The following ANO10 variants were observed in gnomAD, a reference collection of about 807,000 sequenced individuals.
ANO10 encodes the protein anoctamin-10.
In ANO10, 77 loss-of-function variants were observed where a neutral mutation model predicts 74.7. That is an observed-to-expected ratio of 1.03 (90% CI 0.86 to 1.25). ANO10 has a LOEUF of 1.25. Ranked by LOEUF, ANO10 falls within the 50% of genes most tolerant of loss-of-function variation. The pLI, the probability that ANO10 is intolerant of heterozygous loss-of-function variation, is 0.00. For missense variants in ANO10, 721 were observed against 778.1 expected, an observed-to-expected ratio of 0.93 and a Z score of 0.87; for synonymous variants, 279 against 284.9, an observed-to-expected ratio of 0.98 and a Z score of 0.21.
chr3:43,399,761 A>G (rs888876426), intron 12 of ANO10, among the ~76,000 whole-genome samples: 2 of 152,176 alleles, frequency 1.3e-5, no homozygotes, highest in Non-Finnish European at 2.9e-5. Context: ...CCCACATCAG[A>G]AGAGCCCCCA....
At chr3:43,564,962 T>C (rs2080238633) in intron 8 of ANO10, among the ~76,000 whole-genome samples, 1 of 152,228 alleles carries the variant, frequency 6.6e-6, no homozygotes, top group African/African-American at 2.4e-5. Context: ...CACTGTTACA[T>C]GTACATCCAA....
chr3:43,411,445 T>C (rs908283850), intron 12 of ANO10, among the ~76,000 whole-genome samples: 9 of 152,196 alleles, frequency 5.9e-5, no homozygotes, highest in African/African-American at 1.4e-4. Context: ...GGGTACTCAA[T>C]AGAAGCAGAT....
At chr3:43,443,831 C>T (rs1000576203) in intron 11 of ANO10, among the ~76,000 whole-genome samples, 11 of 151,780 alleles carry the variant, frequency 7.2e-5, no homozygotes, top group African/African-American at 2.7e-4. Flanking sequence ...CAGGCATGCA[C>T]CACCACGCCT....
At chr3:43,597,383 C>T (rs775982962) in intron 4 of ANO10, among the ~76,000 whole-genome samples, 135 of 152,124 alleles carry the variant, frequency 8.9e-4, no homozygotes, top group Non-Finnish European at 1.7e-3. Context: ...CAGTGATAGA[C>T]TGGATTAAGA....
At chr3:43,553,818 A>G (rs2079604200) in intron 10 of ANO10, among the ~76,000 whole-genome samples, 1 of 152,170 alleles carries the variant, frequency 6.6e-6, no homozygotes, top group African/African-American at 2.4e-5. Flanking sequence ...TACAGGCGTG[A>G]GCCACAGCAC....
At chr3:43,630,251 TAAATCTAAATACTAAAACTA>T (rs917153468) in intron 1 of ANO10, among the ~76,000 whole-genome samples, 3 of 152,144 alleles carry the variant, frequency 2.0e-5, no homozygotes, top group African/African-American at 7.2e-5. Context: ...ATCTAAATAC[TAAATCTAAATACTAAAACTA>T]AAATCTAAAT....
intron 12 of ANO10, among the ~76,000 whole-genome samples, chr3:43,377,996 C>T (rs1302119426): frequency 1.3e-5 from 2 of 152,116 alleles, no homozygotes; most frequent in South Asian, 2.1e-4. Flanking sequence ...ACTGCAGTCC[C>T]GACTCATGGA....
intron 11 of ANO10, among the ~76,000 whole-genome samples, chr3:43,493,684 A>G (rs1477632521): frequency 6.6e-6 from 1 of 152,186 alleles, no homozygotes; most frequent in Non-Finnish European, 1.5e-5. Flanking sequence ...ACAGAAAATG[A>G]TCTAAAATAA....
chr3:43,580,017 C>T (rs1007043080), intron 5 of ANO10, among the ~76,000 whole-genome samples: 5 of 151,220 alleles, frequency 3.3e-5, no homozygotes, highest in East Asian at 1.9e-4. Flanking sequence ...TGGTGGTGCA[C>T]GCCTGTGATC....
chr3:43,655,032 TCA>T (rs2083831786), intron 1 of ANO10, among the ~76,000 whole-genome samples: 1 of 152,208 alleles, frequency 6.6e-6, no homozygotes, highest in Non-Finnish European at 1.5e-5. Flanking sequence ...AGCACAGGGA[TCA>T]CAGACTCTGT....
intron 1 of ANO10, among the ~76,000 whole-genome samples, chr3:43,627,291 C>A (rs569062508): frequency 3.9e-5 from 6 of 152,354 alleles, no homozygotes; most frequent in African/African-American, 1.4e-4. Flanking sequence ...TAAGTTCTTA[C>A]CAAATCGGTG....
intron 1 of ANO10, among the ~76,000 whole-genome samples, chr3:43,674,727 T>C (rs1217840101): frequency 2.6e-5 from 4 of 152,102 alleles, no homozygotes; most frequent in East Asian, 1.9e-4. Flanking sequence ...AACTGTGATA[T>C]AGGTTTGACA....
intron 11 of ANO10, among the ~76,000 whole-genome samples, chr3:43,547,033 T>A (rs780574463): frequency 2.0e-5 from 3 of 151,860 alleles, no homozygotes; most frequent in African/African-American, 4.8e-5. Flanking sequence ...GGGAAAAAAA[T>A]CTTAAAAGCA....
chr3:43,370,549 G>A (rs2091572618), intron 12 of ANO10, among the ~76,000 whole-genome samples: 1 of 150,574 alleles, frequency 6.6e-6, no homozygotes, highest in South Asian at 2.1e-4. Context: ...AACCTGGCTG[G>A]AGGGTGGGTG....
At chr3:43,431,758 T>C (rs542956751) in intron 12 of ANO10, among the ~76,000 whole-genome samples, 33 of 152,174 alleles carry the variant, frequency 2.2e-4, no homozygotes, top group Middle Eastern at 3.4e-3. Flanking sequence ...AGGGCAAGTA[T>C]TGGTTTGATG....
intron 11 of ANO10, among the ~76,000 whole-genome samples, chr3:43,436,031 C>T (rs1374178841): frequency 6.6e-6 from 1 of 152,164 alleles, no homozygotes; most frequent in Non-Finnish European, 1.5e-5. Context: ...ACCTCTACCC[C>T]AACTTTCTTA....
chr3:43,429,500 G>C (rs999406317), intron 12 of ANO10, among the ~76,000 whole-genome samples: 2 of 152,092 alleles, frequency 1.3e-5, no homozygotes, highest in African/African-American at 4.8e-5. Context: ...CCAGGAAGTT[G>C]CCTGCCCCCA....
chr3:43,674,554 G>A (rs1272080844), intron 1 of ANO10, among the ~76,000 whole-genome samples: 4 of 152,122 alleles, frequency 2.6e-5, no homozygotes, highest in Non-Finnish European at 4.4e-5. Flanking sequence ...CAACACTTAA[G>A]ACATATTTCA....
chr3:43,426,370 A>C (rs1202104380), intron 12 of ANO10, among the ~76,000 whole-genome samples: 1 of 152,178 alleles, frequency 6.6e-6, no homozygotes, highest in Non-Finnish European at 1.5e-5. Flanking sequence ...AACTCTAAAA[A>C]ACAAAGACAT....
Sources: gnomAD v4.1 joint callset for allele counts (sites outside exome capture counted in the v4.1 genomes callset) on GRCh38, gnomAD v4.1.1 for gene constraint, MANE v1.5 for transcripts, NCBI Gene and HGNC (gene_info 2026-07-23, HGNC 2026-07-21) for gene names.